The following CLYBL variants were observed in gnomAD, a reference collection of about 807,000 sequenced individuals.
CLYBL encodes the protein citramalyl-CoA lyase.
CLYBL carries 31 observed loss-of-function variants against 38.9 expected under a neutral mutation model. The observed-to-expected ratio is 0.80, with a 90% CI of 0.60 to 1.08. The LOEUF (loss-of-function observed/expected upper bound fraction) is 1.08, where lower values mean the gene tolerates loss of function less well. Among genes scored for constraint, CLYBL ranks in the 50% least tolerant of loss-of-function variants. The pLI is 0.00. For synonymous variants in CLYBL, 171 were observed against 158.6 expected (o/e 1.08, Z -0.59); for missense variants, 434 against 411.6 (o/e 1.05, Z -0.47).
intron 1 of CLYBL, among the ~76,000 whole-genome samples, chr13:99,686,512 C>CAGAGAGAGAGAGAGAGAG (rs34750084): frequency 6.7e-6 from 1 of 150,104 alleles, no homozygotes; most frequent in African/African-American, 2.4e-5. Context: ...TTTGTTTCAA[C>CAGAGAGAGAGAGAGAGAG]AGAGAGAGAG....
intron 1 of CLYBL, among the ~76,000 whole-genome samples, chr13:99,740,203 A>G (rs2048730621): frequency 6.6e-6 from 1 of 152,194 alleles, no homozygotes; most frequent in Admixed American, 6.5e-5. Context: ...CTTCTCTGGC[A>G]TTAGTTCTAT....
rs368176667 is a variant in CLYBL, at chr13:99,744,113, C to T, written c.63-28711C>T. ...TCAGCCTCCCGAGTAGCTGGGACTA[C>T]AGGCGCCCGCCACCACGCCCGGTTA... On this transcript the variant is annotated intron_variant, in intron 1 of 8. Coordinates refer to ENST00000339105, the MANE Select transcript of CLYBL (RefSeq NM_206808.5). Among the ~76,000 whole-genome samples the T allele has an allele frequency of 6.2e-4, 94 of 152,074 alleles. 1 individual carries two copies. In the East Asian group the frequency reaches 0.011, roughly 18 times the overall value.
At chr13:99,898,777 C>T (rs771755932), downstream of CLYBL, among the ~76,000 whole-genome samples, 1 of 152,194 alleles carries the variant, frequency 6.6e-6, no homozygotes, top group Admixed American at 6.5e-5. Flanking sequence ...TCCCAGCTCC[C>T]CTAGAGACAA....
chr13:99,688,317 T>A (rs1228257944), intron 1 of CLYBL, among the ~76,000 whole-genome samples: 1 of 151,972 alleles, frequency 6.6e-6, no homozygotes, highest in Non-Finnish European at 1.5e-5. Flanking sequence ...GCTAAAACAG[T>A]GGGGGAGCGA....
intron 2 of CLYBL, among the ~76,000 whole-genome samples, chr13:99,828,274 G>T (rs2050736770): frequency 6.6e-6 from 1 of 152,176 alleles, no homozygotes; most frequent in African/African-American, 2.4e-5. Flanking sequence ...ATTAGCAATT[G>T]TTCCCATATA....
At chr13:99,768,449 T>C (rs2049313922) in intron 1 of CLYBL, among the ~76,000 whole-genome samples, 2 of 146,180 alleles carry the variant, frequency 1.4e-5, no homozygotes, top group Admixed American at 1.4e-4. Flanking sequence ...CACCTCAGCC[T>C]CCCAAAGTGC....
In CLYBL at chr13:99,612,048, C is replaced by T. The variant is rs140345006; in HGVS notation, c.62+5291C>T. 3.9e-3 allele frequency among the ~76,000 whole-genome samples: 593 copies of T among 152,282 alleles called. 5 individuals are homozygous for T. The highest frequency in any genetic ancestry group is 0.013 in the African/African-American group (533 of 41,556). ...GCCCCCCTCCAAATTTCTATCATCC[C>T]GCAAATTCTCTTGAGCCCATTTGCA... On this transcript the variant is annotated intron_variant, in intron 1 of 8. Transcript: ENST00000339105.
At chr13:99,761,632 G>C (rs1263573820) in intron 1 of CLYBL, among the ~76,000 whole-genome samples, 9 of 152,210 alleles carry the variant, frequency 5.9e-5, no homozygotes, top group Non-Finnish European at 8.8e-5. Flanking sequence ...GAACATAGGA[G>C]TGAACATACT....
intron 1 of CLYBL, among the ~76,000 whole-genome samples, chr13:99,749,146 C>T (rs1448105394): frequency 6.6e-6 from 1 of 151,312 alleles, no homozygotes; most frequent in African/African-American, 2.4e-5. Context: ...CACCACTGCA[C>T]TGCAGCCTGG....
At chr13:99,803,809 A>G (rs1324146178) in intron 2 of CLYBL, among the ~76,000 whole-genome samples, 1 of 152,140 alleles carries the variant, frequency 6.6e-6, no homozygotes, top group Non-Finnish European at 1.5e-5. Flanking sequence ...CAGGTAGTTC[A>G]CCGTCTAGTA....
intron 1 of CLYBL, among the ~76,000 whole-genome samples, chr13:99,676,416 T>C (rs1163427716): frequency 6.6e-6 from 1 of 151,830 alleles, no homozygotes; most frequent in Non-Finnish European, 1.5e-5. Flanking sequence ...TTCTCATGTC[T>C]TAGCCACTCG....
At chr13:99,803,588 G>A (rs893290013) in intron 2 of CLYBL, among the ~76,000 whole-genome samples, 2 of 152,236 alleles carry the variant, frequency 1.3e-5, no homozygotes, top group African/African-American at 4.8e-5. Context: ...CCTAATATGT[G>A]TAATGGAGAA....
At chr13:99,692,286 G>GTTTTTTTTT (rs71215539) in intron 1 of CLYBL, among the ~76,000 whole-genome samples, 5 of 115,912 alleles carry the variant, frequency 4.3e-5, no homozygotes, top group Admixed American at 8.1e-5. Flanking sequence ...TGTTTTTTTT[G>GTTTTTTTTT]TTTTTTTTTT....
intron 1 of CLYBL, among the ~76,000 whole-genome samples, chr13:99,619,050 G>A (rs1479323780): frequency 6.6e-6 from 1 of 152,214 alleles, no homozygotes; most frequent in Non-Finnish European, 1.5e-5. Context: ...TAAGCCTAAA[G>A]TGGATTTCTT....
intron 1 of CLYBL, among the ~76,000 whole-genome samples, chr13:99,642,080 GGT>G (rs1475076854): frequency 2.0e-5 from 3 of 152,210 alleles, no homozygotes; most frequent in African/African-American, 7.2e-5. Flanking sequence ...CACTTGTGAG[GGT>G]ACCAGGCTCT....
chr13:99,772,698 AAAAAAT>A (rs2049421425), intron 1 of CLYBL, 120 bp from the exon 2 acceptor site: 3 of 854,990 alleles, frequency 3.5e-6, no homozygotes, highest in Non-Finnish European at 5.3e-6. Context: ...CCCTGTCTCA[AAAAAAT>A]AAAAATAAAA....
At chr13:99,808,124 C>T (rs1198739743) in intron 2 of CLYBL, among the ~76,000 whole-genome samples, 1 of 152,138 alleles carries the variant, frequency 6.6e-6, no homozygotes, top group African/African-American at 2.4e-5. Context: ...CTCACTCTGT[C>T]ACCCAGGCTT....
intron 2 of CLYBL, among the ~76,000 whole-genome samples, chr13:99,835,398 A>G (rs1691627739): frequency 6.6e-6 from 1 of 152,184 alleles, no homozygotes; most frequent in African/African-American, 2.4e-5. Flanking sequence ...TGCATGGCTG[A>G]TGCCGGCTCA....
At chr13:99,709,041 C>T (rs9582335) in intron 1 of CLYBL, among the ~76,000 whole-genome samples, 5,611 of 151,688 alleles carry the variant, frequency 0.037, 331 homozygotes, top group African/African-American at 0.13. Context: ...TCCAGTGAAC[C>T]GAGATAACGC....
Sources: gnomAD v4.1 joint callset for allele counts (sites outside exome capture counted in the v4.1 genomes callset) on GRCh38, gnomAD v4.1.1 for gene constraint, MANE v1.5 for transcripts, NCBI Gene and HGNC (gene_info 2026-07-23, HGNC 2026-07-21) for gene names.